NRCAM: variants seen among roughly 807,000 people sequenced by gnomAD.
NRCAM encodes NgCAM-related cell adhesion molecule.
In NRCAM, 83 loss-of-function variants were observed where a neutral mutation model predicts 156.5. The observed-to-expected ratio is 0.53, with a 90% CI of 0.44 to 0.64. The LOEUF is 0.64. NRCAM is among the 30% of genes least tolerant of loss of function. NRCAM has a pLI of 0.00. For synonymous variants in NRCAM, 538 were observed against 563.9 expected (o/e 0.95, Z 0.65); for missense variants, 1,417 against 1,597.3 (o/e 0.89, Z 1.92).
intron 3 of NRCAM, among the ~76,000 whole-genome samples, chr7:108,311,235 T>A (rs2098798817): frequency 6.6e-6 from 1 of 152,226 alleles, no homozygotes; most frequent in Non-Finnish European, 1.5e-5. Context: ...CTGCTGATAC[T>A]AGTATTGTAC....
At chr7:108,150,928 T>A (rs967397146) in intron 32 of NRCAM, among the ~76,000 whole-genome samples, 1 of 152,174 alleles carries the variant, frequency 6.6e-6, no homozygotes, top group African/African-American at 2.4e-5. Flanking sequence ...AGAATGTGAA[T>A]GACTCCAAAC....
chr7:108,399,720 G>A (rs1281951437), intron 1 of NRCAM, 127 bp from the exon 2 acceptor site: 1 of 152,186 alleles, frequency 6.6e-6, no homozygotes, highest in Non-Finnish European at 1.5e-5. Context: ...CAAATTCCAT[G>A]ATTAATTTTA....
intron 1 of NRCAM, among the ~76,000 whole-genome samples, chr7:108,445,639 A>G (rs1374964811): frequency 2.0e-5 from 3 of 152,092 alleles, no homozygotes; most frequent in African/African-American, 7.2e-5. Flanking sequence ...TTTGTGTTTT[A>G]TCTCTATTTT....
At chr7:108,298,670 C>CA (rs1011596324) in intron 3 of NRCAM, among the ~76,000 whole-genome samples, 7 of 150,732 alleles carry the variant, frequency 4.6e-5, no homozygotes, top group East Asian at 3.9e-4. Context: ...ACCAAAAAAA[C>CA]AAAAAAACAA....
At chr7:108,211,224 A>G (rs1413906805) in intron 11 of NRCAM, among the ~76,000 whole-genome samples, 1 of 152,186 alleles carries the variant, frequency 6.6e-6, no homozygotes, top group Non-Finnish European at 1.5e-5. Flanking sequence ...AAGCAGCAGG[A>G]AAGGCCTTGG....
intron 2 of NRCAM, among the ~76,000 whole-genome samples, chr7:108,343,704 T>C (rs1166857021): frequency 2.0e-5 from 3 of 152,196 alleles, no homozygotes; most frequent in Non-Finnish European, 4.4e-5. Flanking sequence ...AAACCCTTCA[T>C]CAAACCTTTC....
chr7:108,310,237 T>C (rs1246533768), intron 3 of NRCAM, among the ~76,000 whole-genome samples: 1 of 152,214 alleles, frequency 6.6e-6, no homozygotes, highest in Non-Finnish European at 1.5e-5. Context: ...AGGACCAAAC[T>C]TACACGAATG....
At chr7:108,387,799 A>G (rs1031240501) in intron 2 of NRCAM, among the ~76,000 whole-genome samples, 3 of 149,404 alleles carry the variant, frequency 2.0e-5, no homozygotes, top group African/African-American at 7.4e-5. Flanking sequence ...ATGAGTGAGA[A>G]CATGCAGTGT....
At chr7:108,441,753 G>A (rs1156329992) in intron 1 of NRCAM, among the ~76,000 whole-genome samples, 1 of 152,172 alleles carries the variant, frequency 6.6e-6, no homozygotes, top group African/African-American at 2.4e-5. Flanking sequence ...GGAAAACTTT[G>A]ACCGTGGGCC....
chr7:108,229,526 C>T (rs1405042290), intron 8 of NRCAM, among the ~76,000 whole-genome samples: 1 of 152,176 alleles, frequency 6.6e-6, no homozygotes, highest in Non-Finnish European at 1.5e-5. Flanking sequence ...ATCTGCTTTG[C>T]TGATTTCTCC....
chr7:108,254,597 G>T lies in NRCAM; in HGVS notation c.-106-14427C>A, dbSNP rs182128651. Among the ~76,000 whole-genome samples the T allele has an allele frequency of 4.4e-3, 634 of 142,742 alleles. 3 individuals are homozygous for T. Among genetic ancestry groups the T allele is most frequent in the Non-Finnish European group, 7.2e-3 (482 of 67,008 alleles). 93.6% of individuals were successfully genotyped at this position (142,742 alleles called of 152,430 possible). On this transcript the variant is annotated intron_variant, in intron 3 of 32. Transcript: ENST00000379028. The stretch of plus-strand genomic sequence containing the variant: ...GGAACTAGCTCTGTTGCCCAGGCTG[G>T]AGTATAATAGCGTGATCTCAGCTAA...
chr7:108,239,831 C>T, intron 4 of NRCAM, 128 bp downstream of exon 4: 1 of 571,866 alleles, frequency 1.7e-6, no homozygotes, highest in Non-Finnish European at 3.1e-6. Context: ...AAGGTAAAAG[C>T]CAAATTAATT....
chr7:108,176,770 T>C, intron 26 of NRCAM, 164 bp from the exon 27 acceptor site: 1 of 585,338 alleles, frequency 1.7e-6, no homozygotes. Flanking sequence ...TTTTAACAGC[T>C]CCTATGCTAT....
Position 108,209,572 on chromosome 7 carries a change from A to G in NRCAM, c.924T>C (p.Asp308=). 6.2e-7 allele frequency: 1 copy of G among 1,610,790 alleles called. No individual in the cohort carries two copies. The highest frequency in any genetic ancestry group is 8.5e-7 in the Non-Finnish European group (1 of 1,178,970). Residue 308 remains aspartate, a synonymous_variant, in exon 12 of 33, where the codon GAT becomes GAC. Transcript: ENST00000379028. The part of the protein sequence containing the change: ...PTPIIYWAKE[D]GMLPKNRTVY... ...CTGTCCTGTTTTTGGGTAGCATTCC[A>G]TCTTCCTTTGCCCAGTAAATAATTG...
chr7:108,309,650 A>G (rs2098772679), intron 3 of NRCAM, among the ~76,000 whole-genome samples: 1 of 152,168 alleles, frequency 6.6e-6, no homozygotes, highest in African/African-American at 2.4e-5. Flanking sequence ...TGAGGCCAGG[A>G]GCTCAAGACC....
At chr7:108,169,309 T>C (rs2057006958) in intron 28 of NRCAM, among the ~76,000 whole-genome samples, 1 of 152,180 alleles carries the variant, frequency 6.6e-6, no homozygotes, top group Admixed American at 6.5e-5. Flanking sequence ...CCTACCTCAA[T>C]AGCTTAAACT....
intron 22 of NRCAM, among the ~76,000 whole-genome samples, chr7:108,183,145 G>C (rs1405988728): frequency 2.0e-5 from 3 of 152,202 alleles, no homozygotes; most frequent in African/African-American, 7.2e-5. Context: ...CTACTATCTT[G>C]ATGCAATAAA....
chr7:108,239,912 G>C (rs570819421), intron 4 of NRCAM, 47 bp downstream of exon 4: 1 of 1,142,874 alleles, frequency 8.7e-7, no homozygotes, highest in African/African-American at 1.5e-5. Context: ...TAAATGCTGG[G>C]AGGCTTTGAC....
intron 28 of NRCAM, among the ~76,000 whole-genome samples, chr7:108,174,492 AG>A (rs1393155942): frequency 1.3e-5 from 2 of 152,222 alleles, no homozygotes; most frequent in Non-Finnish European, 2.9e-5. Context: ...GCCCAGTGGC[AG>A]GTACTCCACT....
Sources: allele counts gnomAD v4.1 joint callset (sites outside exome capture counted in the v4.1 genomes callset), GRCh38; gene constraint gnomAD v4.1.1; transcripts MANE v1.5; gene names NCBI Gene and HGNC (gene_info 2026-07-23, HGNC 2026-07-21).